The following CAMK1D variants were observed in gnomAD, a reference collection of about 807,000 sequenced individuals.
CAMK1D encodes the protein calcium/calmodulin dependent protein kinase ID.
In CAMK1D, 9 loss-of-function variants were observed where a neutral mutation model predicts 47.7. The ratio of observed to expected loss-of-function variants is 0.19; its 90% CI spans 0.11 to 0.33. The LOEUF (loss-of-function observed/expected upper bound fraction) is 0.33. CAMK1D is among the 10% of genes least tolerant of loss of function. The pLI is 1.00. For missense variants in CAMK1D, 291 were observed against 488.7 expected, an observed-to-expected ratio of 0.60 and a Z score of 3.81; for synonymous variants, 184 against 184.9, an observed-to-expected ratio of 0.99 and a Z score of 0.04.
chr10:12,453,546 C>T (rs569287223), intron 1 of CAMK1D, among the ~76,000 whole-genome samples: 26 of 152,260 alleles, frequency 1.7e-4, no homozygotes, highest in Non-Finnish European at 3.2e-4. Context: ...GATCATATTT[C>T]GCTTACCCAT....
At chr10:12,541,934 G>A (rs950170671) in intron 1 of CAMK1D, among the ~76,000 whole-genome samples, 13 of 144,758 alleles carry the variant, frequency 9.0e-5, no homozygotes, top group South Asian at 2.2e-4. Flanking sequence ...GGAGTGCAGC[G>A]GTGCAATCAC....
At chr10:12,762,539 T>C (rs1836559458) in intron 4 of CAMK1D, among the ~76,000 whole-genome samples, 1 of 152,074 alleles carries the variant, frequency 6.6e-6, no homozygotes, top group African/African-American at 2.4e-5. Context: ...GCTATGAAAA[T>C]AGAGACTGCT....
At chr10:12,766,349 C>G (rs145900011) in intron 4 of CAMK1D, among the ~76,000 whole-genome samples, 1 of 132,942 alleles carries the variant, frequency 7.5e-6, no homozygotes, top group African/African-American at 2.8e-5. Context: ...GCCAGCCCCA[C>G]GTTGCCTGTT....
chr10:12,508,947 G>T lies in CAMK1D; in HGVS notation c.93-44278G>T, dbSNP rs139448150. Among the ~76,000 whole-genome samples, 311 of 152,310 alleles carry T rather than the reference G, an allele frequency of 2.0e-3. 8 individuals are homozygous for T. The East Asian group carries it at 0.037, about 18-fold the overall frequency. On this transcript the variant is annotated intron_variant, in intron 1 of 10. Transcript: ENST00000619168. ...TTGTCCTGCTCCCCAAATCTTTTCT[G>T]CTTCCGTTTGTCCTGTTCATTGATG...
chr10:12,644,594 A>G (rs1839764504), intron 2 of CAMK1D, among the ~76,000 whole-genome samples: 1 of 152,200 alleles, frequency 6.6e-6, no homozygotes, highest in African/African-American at 2.4e-5. Flanking sequence ...GGTGAGCCAC[A>G]GGATCCCCAG....
At chr10:12,632,247 G>C (rs2399873) in intron 2 of CAMK1D, among the ~76,000 whole-genome samples, 15,676 of 152,268 alleles carry the variant, frequency 0.1, 934 homozygotes, top group African/African-American at 0.17. Context: ...AGGGGAGTCA[G>C]AGACTGTTTA....
At chr10:12,660,123 G>C (rs562133778) in intron 2 of CAMK1D, among the ~76,000 whole-genome samples, 2 of 152,228 alleles carry the variant, frequency 1.3e-5, no homozygotes, top group Non-Finnish European at 2.9e-5. Flanking sequence ...AGCAAGGAAA[G>C]GCATTTTGTG....
chr10:12,388,008 T>A (rs1295192918), intron 1 of CAMK1D, among the ~76,000 whole-genome samples: 1 of 152,114 alleles, frequency 6.6e-6, no homozygotes, highest in East Asian at 1.9e-4. Flanking sequence ...TTTTCTCCCC[T>A]GGGAACCTCC....
At chr10:12,827,631 T>TCTCTCCTCTCTCCC (rs1554831944) in intron 10 of CAMK1D, among the ~76,000 whole-genome samples, 20 of 65,310 alleles carry the variant, frequency 3.1e-4, no homozygotes, top group African/African-American at 1.1e-3. Context: ...TCCTCTCTCC[T>TCTCTCCTCTCTCCC]CTCTCCCCTC....
At chr10:12,644,488 G>A (rs1004247) in intron 2 of CAMK1D, among the ~76,000 whole-genome samples, 17,905 of 152,064 alleles carry the variant, frequency 0.12, 1,244 homozygotes, top group African/African-American at 0.19. Context: ...ATACACTAGA[G>A]ACCTCAGTGC....
intron 8 of CAMK1D, among the ~76,000 whole-genome samples, chr10:12,817,368 T>C (rs994304427): frequency 6.6e-6 from 1 of 152,230 alleles, no homozygotes; most frequent in Non-Finnish European, 1.5e-5. Context: ...TTTTTTTCCT[T>C]TTAAGATGCT....
At chr10:12,671,076 C>G (rs1012923155) in intron 3 of CAMK1D, among the ~76,000 whole-genome samples, 1 of 152,122 alleles carries the variant, frequency 6.6e-6, no homozygotes, top group African/African-American at 2.4e-5. Context: ...TGACTAGATT[C>G]TCTCTCTCAG....
chr10:12,681,515 A>G (rs1832434175), intron 3 of CAMK1D, among the ~76,000 whole-genome samples: 1 of 152,278 alleles, frequency 6.6e-6, no homozygotes, highest in Non-Finnish European at 1.5e-5. Flanking sequence ...GATGAGTGGC[A>G]GCTGCTGAAA....
At chr10:12,776,228 G>C (rs559232807) in intron 5 of CAMK1D, among the ~76,000 whole-genome samples, 4 of 152,368 alleles carry the variant, frequency 2.6e-5, no homozygotes, top group Admixed American at 1.3e-4. Context: ...ATTGAAAGTA[G>C]GGTTTGAGAG....
chr10:12,510,144 GT>G (rs1479742715), intron 1 of CAMK1D, among the ~76,000 whole-genome samples: 1 of 152,198 alleles, frequency 6.6e-6, no homozygotes, highest in African/African-American at 2.4e-5. Context: ...AGGGTTTGGG[GT>G]TGCTCCCGTC....
intron 1 of CAMK1D, among the ~76,000 whole-genome samples, chr10:12,466,730 C>T (rs1833602804): frequency 6.6e-6 from 1 of 151,992 alleles, no homozygotes; most frequent in Non-Finnish European, 1.5e-5. Context: ...TGGTCCCCCT[C>T]TCAAGCCTCT....
chr10:12,692,742 A>G (rs1168647576), intron 3 of CAMK1D, among the ~76,000 whole-genome samples: 1 of 152,226 alleles, frequency 6.6e-6, no homozygotes. Context: ...TAAGGAAAGT[A>G]TAAGGTATTT....
At chr10:12,730,512 G>C (rs969854451) in intron 3 of CAMK1D, among the ~76,000 whole-genome samples, 2 of 152,208 alleles carry the variant, frequency 1.3e-5, no homozygotes, top group Admixed American at 1.3e-4. Context: ...CACATTGGGG[G>C]TGGAGGGGAC....
chr10:12,645,895 C>T (rs879492281), intron 2 of CAMK1D, among the ~76,000 whole-genome samples: 3 of 152,014 alleles, frequency 2.0e-5, no homozygotes, highest in Non-Finnish European at 4.4e-5. Context: ...TCTTCTTTCA[C>T]CGTGAGGCTG....
Sources: allele counts gnomAD v4.1 joint callset (sites outside exome capture counted in the v4.1 genomes callset), GRCh38; gene constraint gnomAD v4.1.1; transcripts MANE v1.5; gene names NCBI Gene and HGNC (gene_info 2026-07-23, HGNC 2026-07-21).